Variants in SOX5 observed in about 807,000 individuals in gnomAD.
The protein encoded by SOX5 is SRY-box transcription factor 5, also known as transcription factor SOX-5.
SOX5 carries 9 observed loss-of-function variants against 92.0 expected under a neutral mutation model. The observed-to-expected ratio is 0.10, with a 90% CI of 0.06 to 0.17. The LOEUF (loss-of-function observed/expected upper bound fraction) is 0.17. Ranked by LOEUF, SOX5 falls within the 10% of genes least tolerant of loss-of-function variation. The pLI, the probability that SOX5 is intolerant of heterozygous loss-of-function variation, is 1.00. For missense variants in SOX5, 642 were observed against 944.5 expected, an observed-to-expected ratio of 0.68 and a Z score of 4.20; for synonymous variants, 344 against 336.3, an observed-to-expected ratio of 1.02 and a Z score of -0.25.
At chr12:23,781,151 A>G (rs1244815717) in intron 3 of SOX5, among the ~76,000 whole-genome samples, 1 of 152,056 alleles carries the variant, frequency 6.6e-6, no homozygotes, top group African/African-American at 2.4e-5. Context: ...GAAACAGGGC[A>G]CGGTATCAAA....
intron 8 of SOX5, among the ~76,000 whole-genome samples, chr12:23,628,978 C>T (rs562907668): frequency 2.0e-4 from 31 of 152,058 alleles, no homozygotes; most frequent in African/African-American, 6.5e-4. Flanking sequence ...ATTATATAAT[C>T]ATTTTTGAAT....
upstream of SOX5, among the ~76,000 whole-genome samples, chr12:23,950,664 C>G (rs1454230376): frequency 3.9e-5 from 6 of 152,220 alleles, no homozygotes; most frequent in Admixed American, 6.5e-5. Context: ...CTGTGGATCT[C>G]TTTAATTTCC....
chr12:23,564,413 T>C (rs1245023519), intron 10 of SOX5, among the ~76,000 whole-genome samples: 2 of 152,240 alleles, frequency 1.3e-5, no homozygotes, highest in Non-Finnish European at 2.9e-5. Flanking sequence ...AAAATGAATC[T>C]GTAATACGAA....
At chr12:23,987,974 T>C (rs2136228901) in intron 4 of SOX5, among the ~76,000 whole-genome samples, 1 of 152,302 alleles carries the variant, frequency 6.6e-6, no homozygotes, top group African/African-American at 2.4e-5. Flanking sequence ...ACTTAAAATA[T>C]TATAGTAATC....
chr12:23,907,994 C>T (rs1013757244), intron 1 of SOX5, among the ~76,000 whole-genome samples: 4 of 152,060 alleles, frequency 2.6e-5, no homozygotes, highest in Admixed American at 6.6e-5. Context: ...TGTTAAAGTG[C>T]CCATCCCCAC....
intron 9 of SOX5, among the ~76,000 whole-genome samples, chr12:23,581,424 T>C (rs1950026080): frequency 1.3e-5 from 2 of 152,262 alleles, no homozygotes; most frequent in East Asian, 1.9e-4. Flanking sequence ...TTTTATCTAA[T>C]TGATGATTTG....
intron 1 of SOX5, among the ~76,000 whole-genome samples, chr12:23,904,265 T>A (rs1036930418): frequency 6.6e-6 from 1 of 152,106 alleles, no homozygotes; most frequent in Non-Finnish European, 1.5e-5. Context: ...TAAATCCTCC[T>A]TGCCATCAGT....
At chr12:24,562,279 G>GC in intron 1 of SOX5, 1 of 152,418 alleles carries the variant, frequency 6.6e-6, no homozygotes, top group South Asian at 2.1e-4. Context: ...TTGGAGGTCT[G>GC]CCCACAACAA....
chr12:24,274,372 T>A (rs1182484440), intron 3 of SOX5, among the ~76,000 whole-genome samples: 1 of 152,202 alleles, frequency 6.6e-6, no homozygotes, highest in Non-Finnish European at 1.5e-5. Flanking sequence ...AGTGACTCTA[T>A]CTCTAGTAAT....
intron 2 of SOX5, among the ~76,000 whole-genome samples, chr12:23,864,720 C>G (rs565335149): frequency 6.6e-6 from 1 of 152,258 alleles, no homozygotes; most frequent in East Asian, 1.9e-4. Context: ...AAGTTGAAAG[C>G]TAGCAGAGGT....
At chr12:23,910,227 C>A (rs186962143) in intron 1 of SOX5, among the ~76,000 whole-genome samples, 19 of 152,120 alleles carry the variant, frequency 1.2e-4, no homozygotes, top group Non-Finnish European at 1.2e-4. Context: ...GTGCTGAAAT[C>A]TAGGATATAT....
At chr12:24,095,061 T>C (rs1326820338) in intron 4 of SOX5, among the ~76,000 whole-genome samples, 1 of 151,036 alleles carries the variant, frequency 6.6e-6, no homozygotes, top group Non-Finnish European at 1.5e-5. Flanking sequence ...ACAAATCTTC[T>C]TTTACTTTCT....
At chr12:23,764,146 AG>A (rs1312557810) in intron 3 of SOX5, among the ~76,000 whole-genome samples, 1 of 152,106 alleles carries the variant, frequency 6.6e-6, no homozygotes, top group African/African-American at 2.4e-5. Context: ...AAATATTGAG[AG>A]GAAAAATATT....
intron 3 of SOX5, among the ~76,000 whole-genome samples, chr12:23,802,818 T>C (rs544922504): frequency 6.6e-6 from 1 of 152,274 alleles, no homozygotes; most frequent in Admixed American, 6.5e-5. Context: ...CTCACATAAT[T>C]TACCATCTTA....
At chr12:23,599,387 T>C (rs1259611107) in intron 9 of SOX5, among the ~76,000 whole-genome samples, 1 of 152,244 alleles carries the variant, frequency 6.6e-6, no homozygotes, top group Non-Finnish European at 1.5e-5. Flanking sequence ...GGAACATCAC[T>C]GTCAGAAGTA....
chr12:23,635,224 T>G (rs2079067309), intron 8 of SOX5, among the ~76,000 whole-genome samples: 1 of 152,090 alleles, frequency 6.6e-6, no homozygotes, highest in South Asian at 2.1e-4. Context: ...TGGTGAGTAA[T>G]GGGGTTATTT....
In SOX5 at chr12:23,536,668, T is replaced by G. The variant is rs374480313; in HGVS notation, c.1773A>C (p.Gly591=). The change falls in exon 14 of 15, where the codon GGA becomes GGC. Residue 591 remains glycine (G), a splice_region_variant and synonymous_variant. Transcript: ENST00000451604. ...GGTTTGTCATAGCTTTCCAGCGAGA[T>G]CCTATGAAGAAAGGAGGTTAGGATT... The part of the protein sequence containing the change: ...MHNSNISKIL[G]SRWKAMTNLE... The G allele has an allele frequency of 7.4e-6, 12 of 1,612,852 alleles. No individual in the cohort carries two copies. Among genetic ancestry groups the G allele is most frequent in the Non-Finnish European group, 1.0e-5 (12 of 1,178,848 alleles).
At chr12:24,185,358 C>A (rs1046522449) in intron 4 of SOX5, among the ~76,000 whole-genome samples, 18 of 152,128 alleles carry the variant, frequency 1.2e-4, no homozygotes, top group Non-Finnish European at 1.6e-4. Context: ...CTCAGCCCCA[C>A]CATTCTCAGA....
chr12:23,886,334 G>T (rs1568632838), intron 2 of SOX5, among the ~76,000 whole-genome samples: 2 of 152,076 alleles, frequency 1.3e-5, no homozygotes, highest in African/African-American at 4.8e-5. Context: ...AAGTGTTAAT[G>T]GTTGTATTTT....
Sources: allele counts gnomAD v4.1 joint callset (sites outside exome capture counted in the v4.1 genomes callset), GRCh38; gene constraint gnomAD v4.1.1; transcripts MANE v1.5; gene names NCBI Gene and HGNC (gene_info 2026-07-23, HGNC 2026-07-21).